Variants in PTAFR observed in about 807,000 individuals in gnomAD.
PTAFR encodes platelet-activating factor receptor.
Under a neutral mutation model 14.7 loss-of-function variants are expected in PTAFR, and 8 were observed. That is an observed-to-expected ratio of 0.54 (90% confidence interval 0.32 to 0.98). PTAFR has a LOEUF of 0.98. Among genes scored for constraint, PTAFR ranks in the 50% least tolerant of loss-of-function variants. The pLI is 0.04. For missense variants in PTAFR, 337 were observed against 451.2 expected, an observed-to-expected ratio of 0.75 and a Z score of 2.29; for synonymous variants, 156 against 176.5, an observed-to-expected ratio of 0.88 and a Z score of 0.92.
intron 1 of PTAFR, among the ~76,000 whole-genome samples, chr1:28,172,493 G>A (rs945699507): frequency 5.3e-5 from 8 of 152,318 alleles, no homozygotes; most frequent in Middle Eastern, 3.4e-3. Flanking sequence ...TCCTTGCTGC[G>A]TGATCCTTGG....
intron 1 of PTAFR, among the ~76,000 whole-genome samples, chr1:28,188,930 TA>T (rs1374209318): frequency 2.5e-5 from 3 of 117,702 alleles, no homozygotes; most frequent in African/African-American, 9.4e-5. Flanking sequence ...TATAAAAATA[TA>T]GTCAACATTT....
In PTAFR at chr1:28,147,385, A is replaced by T. The variant is rs1265238310; in HGVS notation, c.*2608T>A. ...GAATGTATCCTGACAAGGGACGCTC[A>T]CAGGGCCTAAAGGAAGAGTGCTGGG... On this transcript the variant is annotated 3_prime_UTR_variant, in exon 2 of 2. Coordinates refer to ENST00000373857, the MANE Select transcript of PTAFR (RefSeq NM_000952.5). 1.3e-5 allele frequency: 2 copies of T among 152,196 alleles called. No individual in the cohort carries two copies. Among genetic ancestry groups the T allele is most frequent in the Non-Finnish European group, 2.9e-5 (2 of 68,040 alleles). The allele number at this position is 152,196 out of a possible 1,614,324, so 9.4% of individuals were successfully genotyped here.
rs187014798 is a variant in PTAFR at position 28,156,156 on chromosome 1, G to A, written c.-38-5097C>T. ...CAGGCACCTATAATCCCAGCTACTC[G>A]GGAGGTTAAGGCAGGAGAATCGCTT... On this transcript the variant is annotated intron_variant, in intron 1 of 1. Transcript: ENST00000373857. Among the ~76,000 whole-genome samples, 264 of 151,816 alleles carry A rather than the reference G, an allele frequency of 1.7e-3. 1 individual carries two copies. Among genetic ancestry groups the A allele is most frequent in the Non-Finnish European group, 3.0e-3 (203 of 67,950 alleles).
At chr1:28,191,479 G>C (rs1051008783) in intron 1 of PTAFR, among the ~76,000 whole-genome samples, 2 of 152,132 alleles carry the variant, frequency 1.3e-5, no homozygotes, top group Non-Finnish European at 2.9e-5. Flanking sequence ...TATGCCTGTA[G>C]TCCAAGCGTT....
intron 1 of PTAFR, among the ~76,000 whole-genome samples, chr1:28,157,630 A>ATTTTTT (rs1197395346): frequency 1.5e-5 from 2 of 131,140 alleles, no homozygotes; most frequent in Non-Finnish European, 1.7e-5. Context: ...ATTAATTTTG[A>ATTTTTT]TTTTTTTTTT....
At chr1:28,188,714 G>A (rs1455325633) in intron 1 of PTAFR, among the ~76,000 whole-genome samples, 1 of 152,010 alleles carries the variant, frequency 6.6e-6, no homozygotes, top group Non-Finnish European at 1.5e-5. Flanking sequence ...TGGGCAACAA[G>A]AGTGAAACTC....
chr1:28,157,087 T>G (rs893585637), intron 1 of PTAFR, among the ~76,000 whole-genome samples: 1 of 152,206 alleles, frequency 6.6e-6, no homozygotes, highest in African/African-American at 2.4e-5. Flanking sequence ...ATTCACTGGT[T>G]GCAAAATTTA....
chr1:28,162,367 C>T (rs1397497672), intron 1 of PTAFR, among the ~76,000 whole-genome samples: 1 of 152,166 alleles, frequency 6.6e-6, no homozygotes, highest in Non-Finnish European at 1.5e-5. Context: ...CAGCAACCGA[C>T]AGGATTGCCT....
At position 28,149,649 on chromosome 1, in the gene PTAFR, G is replaced by A. The variant is rs995736148; in HGVS notation, c.*344C>T. ...GCCCACTCCCCCAAAGCTTTAGACC[G>A]ATGCCCCATCGGGGAGAACTAGGTG... On this transcript the variant is annotated 3_prime_UTR_variant, in exon 2 of 2. Coordinates refer to ENST00000373857, the MANE Select transcript of PTAFR (RefSeq NM_000952.5). 1.2e-5 allele frequency: 3 copies of A among 257,772 alleles called. No individual in the cohort carries two copies. The highest frequency in any genetic ancestry group is 2.2e-5 in the African/African-American group (1 of 45,256). 16.0% of individuals were successfully genotyped at this position (257,772 alleles called of 1,614,324 possible).
chr1:28,168,907 A>G (rs938944815), intron 1 of PTAFR, among the ~76,000 whole-genome samples: 2 of 152,008 alleles, frequency 1.3e-5, no homozygotes, highest in Non-Finnish European at 2.9e-5. Context: ...ACCTCAAGCG[A>G]TCCACCCTCA....
intron 1 of PTAFR, among the ~76,000 whole-genome samples, chr1:28,185,109 T>C: frequency 6.6e-6 from 1 of 152,226 alleles, no homozygotes; most frequent in African/African-American, 2.4e-5. Flanking sequence ...TGCTTTCCTT[T>C]TCTCCACAGC....
intron 1 of PTAFR, among the ~76,000 whole-genome samples, chr1:28,187,744 A>G (rs1282531245): frequency 6.6e-6 from 1 of 152,202 alleles, no homozygotes; most frequent in Non-Finnish European, 1.5e-5. Flanking sequence ...CAGTCTCCCA[A>G]AGAGCTGGGA....
At chr1:28,167,225 G>A (rs1229333230) in intron 1 of PTAFR, among the ~76,000 whole-genome samples, 1 of 152,122 alleles carries the variant, frequency 6.6e-6, no homozygotes, top group Non-Finnish European at 1.5e-5. Flanking sequence ...TATCAGATAA[G>A]GGGTTAATAT....
chr1:28,177,979 C>T (rs1646531705), upstream of PTAFR, among the ~76,000 whole-genome samples: 1 of 152,066 alleles, frequency 6.6e-6, no homozygotes, highest in Non-Finnish European at 1.5e-5. Context: ...CAACAAGCAC[C>T]ATCTGAGCAC....
At chr1:28,175,420 A>G (rs1646502139) in intron 1 of PTAFR, among the ~76,000 whole-genome samples, 1 of 150,802 alleles carries the variant, frequency 6.6e-6, no homozygotes, top group Non-Finnish European at 1.5e-5. Context: ...CTTCTCTAGC[A>G]CTCCCCAACA....
At chr1:28,175,164 G>A (rs1163103700) in intron 1 of PTAFR, among the ~76,000 whole-genome samples, 2 of 152,048 alleles carry the variant, frequency 1.3e-5, no homozygotes, top group East Asian at 1.9e-4. Flanking sequence ...TACCCGCCTC[G>A]GCCTCCTAAA....
Position 28,156,212 on chromosome 1 carries a change from G to A in PTAFR, c.-38-5153C>T, listed in dbSNP as rs375805418. Among the ~76,000 whole-genome samples, 9 of 151,212 alleles carry A rather than the reference G, an allele frequency of 6.0e-5. No homozygotes were observed. The East Asian group carries it at 9.7e-4, about 16-fold the overall frequency. On this transcript the variant is annotated intron_variant, in intron 1 of 1. Transcript: ENST00000373857. ...CAGTAGGCGGAGGTTGCAGTCAGCC[G>A]AGATCATGCCATTGCATTCCAGCAG...
chr1:28,167,135 T>C (rs1646394454), intron 1 of PTAFR, among the ~76,000 whole-genome samples: 1 of 152,040 alleles, frequency 6.6e-6, no homozygotes, highest in South Asian at 2.1e-4. Flanking sequence ...ATAATCTCCA[T>C]GAAGCAAAGG....
intron 1 of PTAFR, among the ~76,000 whole-genome samples, chr1:28,167,255 G>C (rs1230141964): frequency 6.6e-6 from 1 of 152,068 alleles, no homozygotes; most frequent in East Asian, 1.9e-4. Flanking sequence ...CTACAACTCA[G>C]TAACAACAAT....
Sources: gnomAD v4.1 joint callset for allele counts (sites outside exome capture counted in the v4.1 genomes callset) on GRCh38, gnomAD v4.1.1 for gene constraint, MANE v1.5 for transcripts, NCBI Gene and HGNC (gene_info 2026-07-23, HGNC 2026-07-21) for gene names.